The following TCF7L1 variants were observed in gnomAD, a reference collection of about 807,000 sequenced individuals.
TCF7L1 encodes the protein transcription factor 7 like 1, also known as transcription factor 7-like 1.
TCF7L1 carries 18 observed loss-of-function variants against 63.7 expected under a neutral mutation model. The ratio of observed to expected loss-of-function variants is 0.28; its 90% CI spans 0.20 to 0.42. The LOEUF (loss-of-function observed/expected upper bound fraction) is 0.42, where lower values mean the gene tolerates loss of function less well. Among genes scored for constraint, TCF7L1 ranks in the 10% least tolerant of loss-of-function variants. The pLI is 1.00. For synonymous variants in TCF7L1, 355 were observed against 340.9 expected, an observed-to-expected ratio of 1.04 and a Z score of -0.46; for missense variants, 654 against 779.3, an observed-to-expected ratio of 0.84 and a Z score of 1.91.
chr2:85,230,740 A>G (rs1452877635), intron 3 of TCF7L1, among the ~76,000 whole-genome samples: 3 of 152,144 alleles, frequency 2.0e-5, no homozygotes, highest in Non-Finnish European at 4.4e-5. Flanking sequence ...CTGCATCCCT[A>G]CGTGACACTC....
At chr2:85,241,684 A>C (rs1305639476) in intron 3 of TCF7L1, among the ~76,000 whole-genome samples, 1 of 151,952 alleles carries the variant, frequency 6.6e-6, no homozygotes, top group East Asian at 1.9e-4. Context: ...ACCTCAGGTG[A>C]TCTGCCCACC....
At chr2:85,179,866 C>G (rs1210915483) in intron 3 of TCF7L1, among the ~76,000 whole-genome samples, 3 of 152,116 alleles carry the variant, frequency 2.0e-5, no homozygotes, top group Admixed American at 2.0e-4. Context: ...TCTCTTGAGT[C>G]ATCACTATTG....
At chr2:85,160,926 T>C (rs1371587021) in intron 3 of TCF7L1, among the ~76,000 whole-genome samples, 1 of 152,176 alleles carries the variant, frequency 6.6e-6, no homozygotes, top group East Asian at 1.9e-4. Context: ...AACCCGCACA[T>C]CATTCCTGTT....
At chr2:85,207,742 C>T (rs1247754111) in intron 3 of TCF7L1, among the ~76,000 whole-genome samples, 4 of 151,860 alleles carry the variant, frequency 2.6e-5, no homozygotes, top group Non-Finnish European at 5.9e-5. Context: ...CAGTAGAAAC[C>T]GTACTTCAGT....
At chr2:85,286,267 A>T (rs1681547280) in intron 4 of TCF7L1, among the ~76,000 whole-genome samples, 1 of 151,812 alleles carries the variant, frequency 6.6e-6, no homozygotes, top group East Asian at 1.9e-4. Flanking sequence ...AGGCAGGAGA[A>T]TTGCTTGAAC....
chr2:85,266,941 A>G (rs1186409166), intron 3 of TCF7L1, among the ~76,000 whole-genome samples: 2 of 152,182 alleles, frequency 1.3e-5, no homozygotes, highest in South Asian at 2.1e-4. Context: ...CCTTGGTGGG[A>G]CAGCTCACCC....
At chr2:85,202,025 C>T (rs138626914) in intron 3 of TCF7L1, among the ~76,000 whole-genome samples, 2,759 of 152,016 alleles carry the variant, frequency 0.018, 89 homozygotes, top group African/African-American at 0.063. Context: ...TGCAGTGGTG[C>T]GATCTCAGCT....
chr2:85,212,593 G>A (rs1484564337), intron 3 of TCF7L1, among the ~76,000 whole-genome samples: 1 of 152,158 alleles, frequency 6.6e-6, no homozygotes, highest in African/African-American at 2.4e-5. Context: ...AGAGGGAAGA[G>A]CCATGCTAGG....
intron 3 of TCF7L1, among the ~76,000 whole-genome samples, chr2:85,135,569 G>A (rs1677573306): frequency 6.6e-6 from 1 of 152,078 alleles, no homozygotes; most frequent in Non-Finnish European, 1.5e-5. Context: ...TAATTAAAGG[G>A]TGCTAGAGAA....
At chr2:85,246,232 G>T (rs1186887142) in intron 3 of TCF7L1, among the ~76,000 whole-genome samples, 1 of 152,196 alleles carries the variant, frequency 6.6e-6, no homozygotes, top group African/African-American at 2.4e-5. Context: ...AAGCTTCACA[G>T]GCTTAGTGGA....
intron 3 of TCF7L1, among the ~76,000 whole-genome samples, chr2:85,265,132 C>T (rs1680937830): frequency 6.6e-6 from 1 of 151,984 alleles, no homozygotes; most frequent in Non-Finnish European, 1.5e-5. Flanking sequence ...TTGCTCTGGG[C>T]TGTGAAAGAA....
intron 3 of TCF7L1, among the ~76,000 whole-genome samples, chr2:85,162,261 A>G (rs1375874023): frequency 6.6e-6 from 1 of 152,128 alleles, no homozygotes; most frequent in African/African-American, 2.4e-5. Flanking sequence ...AAATAATTTT[A>G]AAAAAAGAAA....
intron 3 of TCF7L1, among the ~76,000 whole-genome samples, chr2:85,156,008 TAAAG>T (rs766075679): frequency 2.0e-5 from 3 of 152,160 alleles, no homozygotes; most frequent in Non-Finnish European, 4.4e-5. Context: ...AAACAAATGT[TAAAG>T]AAGTCATAAT....
intron 3 of TCF7L1, among the ~76,000 whole-genome samples, chr2:85,199,303 C>G (rs1204742821): frequency 6.6e-6 from 1 of 152,110 alleles, no homozygotes; most frequent in African/African-American, 2.4e-5. Flanking sequence ...AAATGGCAAT[C>G]TGCTGATCTT....
chr2:85,214,623 A>C (rs1256423308), intron 3 of TCF7L1, among the ~76,000 whole-genome samples: 1 of 152,222 alleles, frequency 6.6e-6, no homozygotes, highest in East Asian at 1.9e-4. Flanking sequence ...GATATGCAAG[A>C]ACCTCTAGAA....
chr2:85,179,102 C>T (rs922454226), intron 3 of TCF7L1, among the ~76,000 whole-genome samples: 6 of 152,162 alleles, frequency 3.9e-5, no homozygotes, highest in East Asian at 1.9e-4. Context: ...CTTCTGCAGG[C>T]GTTGTTGTCT....
intron 3 of TCF7L1, among the ~76,000 whole-genome samples, chr2:85,230,648 A>G (rs1412125832): frequency 4.6e-5 from 7 of 152,142 alleles, no homozygotes; most frequent in Non-Finnish European, 7.4e-5. Flanking sequence ...GAAACATCTT[A>G]AAGCTACATC....
At chr2:85,301,677 T>C (rs1010424124) in intron 4 of TCF7L1, among the ~76,000 whole-genome samples, 7 of 152,160 alleles carry the variant, frequency 4.6e-5, no homozygotes, top group Non-Finnish European at 1.5e-5. Flanking sequence ...GAGAGAAGTG[T>C]TTCAAGTGCT....
At chr2:85,268,301 G>T (rs1014077095) in intron 3 of TCF7L1, among the ~76,000 whole-genome samples, 3 of 152,138 alleles carry the variant, frequency 2.0e-5, no homozygotes, top group Non-Finnish European at 4.4e-5. Flanking sequence ...TGCCTTTGCA[G>T]ACAACATTTC....
Sources: allele counts gnomAD v4.1 joint callset (sites outside exome capture counted in the v4.1 genomes callset), GRCh38; gene constraint gnomAD v4.1.1; transcripts MANE v1.5; gene names NCBI Gene and HGNC (gene_info 2026-07-23, HGNC 2026-07-21).